Variants in AFG3L2 observed in about 807,000 individuals in gnomAD.
AFG3L2 encodes the protein AFG3 like matrix AAA peptidase subunit 2.
Under a neutral mutation model 94.5 loss-of-function variants are expected in AFG3L2, and 54 were observed. That is an observed-to-expected ratio of 0.57 (90% CI 0.46 to 0.72). AFG3L2 has a LOEUF of 0.72. Among genes scored for constraint, AFG3L2 ranks in the 30% least tolerant of loss-of-function variants. The pLI is 0.00. For synonymous variants in AFG3L2, 377 were observed against 365.5 expected, an observed-to-expected ratio of 1.03 and a Z score of -0.36; for missense variants, 754 against 994.9, an observed-to-expected ratio of 0.76 and a Z score of 3.26.
rs1908729548 is a variant in AFG3L2, at chr18:12,363,803, T to C, written c.606A>G (p.Pro202=). Residue 202 remains proline (P), a synonymous_variant, in exon 6 of 17, where the codon CCA becomes CCG. Transcript: ENST00000269143. ...TTACCCCATCAACAGGAGTTTTTCC[T>C]GGTGTAAAGGTCACTCGAACAAAAC... ...NKRFVRVTFT[P]GKTPVDGQYV... The C allele has an allele frequency of 6.2e-7, 1 of 1,613,100 alleles. No individual in the cohort carries two copies. Among genetic ancestry groups the C allele is most frequent in the Non-Finnish European group, 8.5e-7 (1 of 1,179,742 alleles).
rs1908304417 is a variant in AFG3L2, at chr18:12,351,179, AAT to A, written c.1456_1457del (p.Ile486PhefsTer18). ...GPPDIKGRAS[I>X]FKVHLRPLKL... ...TTAGCGGTCGGAGATGAACTTTGAAAATAGAAGCTCTTCCTTTTATGTCTGGT... is the reference window on the plus strand; with the variant it reads ...TTAGCGGTCGGAGATGAACTTTGAAAAGAAGCTCTTCCTTTTATGTCTGGT... On this transcript the variant is annotated frameshift_variant, in exon 12 of 17. Coordinates refer to ENST00000269143, the MANE Select transcript of AFG3L2 (RefSeq NM_006796.3). LOFTEE classifies it high-confidence loss of function. 1.2e-6 allele frequency: 2 copies of A among 1,614,040 alleles called. No homozygotes were observed. The highest frequency in any genetic ancestry group is 1.7e-6 in the Non-Finnish European group (2 of 1,180,030).
chr18:12,376,331 G>A (rs1003342497), intron 1 of AFG3L2, among the ~76,000 whole-genome samples: 11 of 152,202 alleles, frequency 7.2e-5, no homozygotes, highest in Admixed American at 2.0e-4. Context: ...CCATGGTTCT[G>A]TCAACACTCT....
At chr18:12,338,843 G>A (rs1907839060) in intron 15 of AFG3L2, among the ~76,000 whole-genome samples, 1 of 152,146 alleles carries the variant, frequency 6.6e-6, no homozygotes, top group South Asian at 2.1e-4. Context: ...AATGACATAT[G>A]ATATGAAAGA....
At chr18:12,344,006 A>G (rs777547485) in intron 14 of AFG3L2, 126 bp downstream of exon 14, 2 of 814,152 alleles carry the variant, frequency 2.5e-6, no homozygotes, top group Non-Finnish European at 4.2e-6. Flanking sequence ...ACCAGAAGTT[A>G]CCAGAAGTTT....
rs376527031 is a variant in AFG3L2 at position 12,372,989 on chromosome 18, T to C, written c.115-1298A>G. 1.1e-3 allele frequency among the ~76,000 whole-genome samples: 173 copies of C among 152,348 alleles called. 1 individual carries two copies. The highest frequency in any genetic ancestry group is 4.0e-3 in the African/African-American group (167 of 41,584). On this transcript the variant is annotated intron_variant, in intron 1 of 16. Coordinates refer to ENST00000269143, the MANE Select transcript of AFG3L2 (RefSeq NM_006796.3). ...GATGATGGTTGCATAACTTTATGAA[T>C]ATGTTAAAAACCAATGAACTGTACA...
intron 10 of AFG3L2, among the ~76,000 whole-genome samples, chr18:12,352,487 G>A (rs569851176): frequency 6.6e-6 from 1 of 152,304 alleles, no homozygotes; most frequent in East Asian, 1.9e-4. Context: ...TGGAAAGACT[G>A]CTACTCTCTT....
chr18:12,351,542 GT>G (rs1162024011), intron 10 of AFG3L2, 129 bp from the exon 11 acceptor site: 1 of 723,790 alleles, frequency 1.4e-6, no homozygotes, highest in African/African-American at 1.8e-5. Context: ...ATTATCTAGT[GT>G]TTTTTGTTTT....
At chr18:12,335,766 G>A (rs1165700155) in intron 16 of AFG3L2, among the ~76,000 whole-genome samples, 2 of 152,138 alleles carry the variant, frequency 1.3e-5, no homozygotes, top group African/African-American at 4.8e-5. Flanking sequence ...CTGCAGAGCC[G>A]TCCTGGACCA....
Position 12,370,885 on chromosome 18 carries a change from C to G in AFG3L2, c.256G>C (p.Ala86Pro), listed in dbSNP as rs761076185. 5.0e-6 allele frequency: 8 copies of G among 1,587,058 alleles called. No individual in the cohort carries two copies. Among genetic ancestry groups the G allele is most frequent in the Non-Finnish European group, 6.9e-6 (8 of 1,158,518 alleles). Residue 86 changes from alanine to proline, a missense_variant, in exon 3 of 17, where the codon GCT (alanine) becomes CCT (proline). Around this residue, in one of 4 missense-constraint regions of AFG3L2, gnomAD observed 236 missense variants for 214.0 expected, o/e 1.10. Coordinates refer to ENST00000269143, the MANE Select transcript of AFG3L2 (RefSeq NM_006796.3). ...CCCATAACTTCTTTAGGTTCACTAGCTTTTTTTCCATTTTTTCCATTAGGA... is the reference window on the plus strand; with the variant it reads ...CCCATAACTTCTTTAGGTTCACTAGGTTTTTTTCCATTTTTTCCATTAGGA... ...YFPNGKNGKK[A>P]SEPKEVMGEK...
At chr18:12,333,133 TAA>T (rs1907623284) in intron 16 of AFG3L2, among the ~76,000 whole-genome samples, 1 of 87,524 alleles carries the variant, frequency 1.1e-5, no homozygotes, top group African/African-American at 4.9e-5. Context: ...ATTATATATA[TAA>T]TATATATAAT....
At chr18:12,361,775 G>T (rs1766671966) in intron 6 of AFG3L2, among the ~76,000 whole-genome samples, 1 of 152,192 alleles carries the variant, frequency 6.6e-6, no homozygotes, top group Admixed American at 6.5e-5. Flanking sequence ...AAAAGATGAA[G>T]AGTAAGTTTT....
At chr18:12,335,274 C>A (rs1485493040) in intron 16 of AFG3L2, among the ~76,000 whole-genome samples, 1 of 152,200 alleles carries the variant, frequency 6.6e-6, no homozygotes, top group Non-Finnish European at 1.5e-5. Context: ...TTGACTCTTT[C>A]TTCTACTCTA....
intron 10 of AFG3L2, among the ~76,000 whole-genome samples, chr18:12,352,768 T>G (rs907526848): frequency 2.6e-5 from 4 of 152,142 alleles, no homozygotes; most frequent in African/African-American, 9.7e-5. Context: ...GAATGCTTTT[T>G]TTTGTTTGTG....
At chr18:12,374,187 T>A (rs916886404) in intron 1 of AFG3L2, among the ~76,000 whole-genome samples, 4 of 152,186 alleles carry the variant, frequency 2.6e-5, no homozygotes, top group Admixed American at 6.5e-5. Context: ...CAATGAAACT[T>A]CTTCTCCTCT....
chr18:12,353,793 C>T (rs541890937), intron 9 of AFG3L2, among the ~76,000 whole-genome samples: 1 of 152,294 alleles, frequency 6.6e-6, no homozygotes, highest in South Asian at 2.1e-4. Flanking sequence ...AAAGACAACA[C>T]AGTAGAGCTG....
Position 12,358,854 on chromosome 18 carries a change from G to C in AFG3L2, c.842C>G (p.Thr281Arg), listed in dbSNP as rs1317339894. 2 of 1,614,260 alleles carry C rather than the reference G, an allele frequency of 1.2e-6. No homozygotes were observed. Among genetic ancestry groups the C allele is most frequent in the Non-Finnish European group, 1.7e-6 (2 of 1,180,052 alleles). Residue 281 changes from threonine (T) to arginine (R), a missense_variant, in exon 8 of 17, where the codon ACA becomes AGA. Physicochemically the swap from Thr to Arg is moderately conservative, Grantham distance 71. Transcript: ENST00000269143. ...IRRGPAGIGR[T>R]GRGMGGLFSV... ...GAAGAGTCCGCCCATCCCTCGGCCT[G>C]TCCGGCCAATGCCAGCAGGCCCTCT...
chr18:12,367,891 G>A (rs914384350), intron 3 of AFG3L2, among the ~76,000 whole-genome samples: 16 of 152,278 alleles, frequency 1.1e-4, no homozygotes, highest in African/African-American at 2.9e-4. Context: ...GCCTCTGGCC[G>A]GGCGCGGTGG....
chr18:12,370,653 T>G (rs1445946100), intron 3 of AFG3L2, among the ~76,000 whole-genome samples, 196 bp downstream of exon 3: 2 of 151,884 alleles, frequency 1.3e-5, no homozygotes, highest in Non-Finnish European at 2.9e-5. Flanking sequence ...GGGACAGAGT[T>G]TCACCACATT....
chr18:12,331,065 C>A (rs1169120386), intron 16 of AFG3L2, among the ~76,000 whole-genome samples: 3 of 152,206 alleles, frequency 2.0e-5, no homozygotes, highest in African/African-American at 7.2e-5. Context: ...CAATGATGGG[C>A]CCCATGTAGA....
Sources: gnomAD v4.1 joint callset for allele counts (sites outside exome capture counted in the v4.1 genomes callset) on GRCh38, gnomAD v4.1.1 for gene constraint, gnomAD v4.1.1 regional missense constraint, MANE v1.5 for transcripts, NCBI Gene and HGNC (gene_info 2026-07-23, HGNC 2026-07-21) for gene names.